The following CSMD1 variants were observed in gnomAD, a reference collection of about 807,000 sequenced individuals.
The protein encoded by CSMD1 is CUB and sushi domain-containing protein 1.
Under a neutral mutation model 417.5 loss-of-function variants are expected in CSMD1, and 213 were observed. The observed-to-expected ratio is 0.51, with a 90% CI of 0.46 to 0.57. The LOEUF (loss-of-function observed/expected upper bound fraction) is 0.57, where lower values mean the gene tolerates loss of function less well. CSMD1 is among the 20% of genes least tolerant of loss of function. CSMD1 has a pLI of 0.00. For missense variants in CSMD1, 6,923 were observed against 4,529.7 expected, an observed-to-expected ratio of 1.53 and a Z score of -15.17; for synonymous variants, 2,862 against 1,736.8, an observed-to-expected ratio of 1.65 and a Z score of -16.11.
At chr8:4,556,079 C>G (rs1398279356) in intron 2 of CSMD1, among the ~76,000 whole-genome samples, 3 of 151,854 alleles carry the variant, frequency 2.0e-5, no homozygotes, top group Non-Finnish European at 4.4e-5. Flanking sequence ...CTCGAATTTA[C>G]TTAGGGAATG....
rs535627191 is a variant in CSMD1 at position 3,474,770 on chromosome 8, G to C, written c.1449-5946C>G. Among the ~76,000 whole-genome samples, 8 of 152,146 alleles carry C rather than the reference G, an allele frequency of 5.3e-5. No individual in the cohort carries two copies. The South Asian group carries it at 1.4e-3, about 28-fold the overall frequency. The stretch of plus-strand genomic sequence containing the variant: ...ACTTTAACATTCATCAAAACATATA[G>C]TTACACAACTAGTCTTGCTTTCTTT... On this transcript the variant is annotated intron_variant, in intron 11 of 69. Coordinates refer to ENST00000635120, the MANE Select transcript of CSMD1 (RefSeq NM_033225.6).
At chr8:4,918,753 T>C (rs1806235150) in intron 1 of CSMD1, among the ~76,000 whole-genome samples, 1 of 152,222 alleles carries the variant, frequency 6.6e-6, no homozygotes. Flanking sequence ...TCCACACATA[T>C]ATGCAGGTAT....
chr8:3,752,575 G>C (rs1269196369), intron 6 of CSMD1, among the ~76,000 whole-genome samples: 1 of 147,620 alleles, frequency 6.8e-6, no homozygotes, highest in Admixed American at 6.9e-5. Flanking sequence ...AATCACTTGA[G>C]CCCAGGAGGT....
intron 6 of CSMD1, among the ~76,000 whole-genome samples, chr8:3,713,279 A>T (rs573893534): frequency 6.6e-6 from 1 of 152,088 alleles, no homozygotes; most frequent in African/African-American, 2.4e-5. Context: ...TTAGGTTAAA[A>T]CTCACTTTCT....
chr8:4,358,533 T>G (rs1005154516), intron 3 of CSMD1, among the ~76,000 whole-genome samples: 2 of 152,138 alleles, frequency 1.3e-5, no homozygotes, highest in Non-Finnish European at 2.9e-5. Flanking sequence ...GATGCAGAGG[T>G]GACGATATGG....
At chr8:4,970,704 C>G (rs1040529245) in intron 1 of CSMD1, among the ~76,000 whole-genome samples, 2 of 152,092 alleles carry the variant, frequency 1.3e-5, no homozygotes, top group African/African-American at 4.8e-5. Context: ...GCTATCTTAA[C>G]TCAGGACGTG....
intron 62 of CSMD1, 75 bp from the exon 63 acceptor site, chr8:2,957,882 A>G (rs1803133035): frequency 1.0e-6 from 1 of 994,540 alleles, no homozygotes; most frequent in Non-Finnish European, 1.6e-6. Flanking sequence ...ACCTGAAAGT[A>G]CACGCCCGAG....
At chr8:3,922,519 T>C (rs541967766) in intron 5 of CSMD1, among the ~76,000 whole-genome samples, 1 of 152,254 alleles carries the variant, frequency 6.6e-6, no homozygotes, top group African/African-American at 2.4e-5. Flanking sequence ...TTTGATTCTT[T>C]TCTATTTATT....
At chr8:4,881,590 T>G (rs1803406507) in intron 1 of CSMD1, among the ~76,000 whole-genome samples, 1 of 151,710 alleles carries the variant, frequency 6.6e-6, no homozygotes, top group Non-Finnish European at 1.5e-5. Flanking sequence ...AAGCTCAAAT[T>G]TATTCAATAA....
At chr8:4,332,761 C>T (rs1484904840) in intron 3 of CSMD1, among the ~76,000 whole-genome samples, 2 of 151,944 alleles carry the variant, frequency 1.3e-5, no homozygotes, top group African/African-American at 4.8e-5. Flanking sequence ...TATGTAATGG[C>T]ATGTGATGAA....
chr8:4,071,455 C>T, intron 3 of CSMD1, among the ~76,000 whole-genome samples: 1 of 151,996 alleles, frequency 6.6e-6, no homozygotes, highest in East Asian at 1.9e-4. Flanking sequence ...TTTTATAACG[C>T]CTATTTTTTT....
At chr8:3,659,101 G>T (rs1448304816) in intron 7 of CSMD1, among the ~76,000 whole-genome samples, 2 of 152,108 alleles carry the variant, frequency 1.3e-5, no homozygotes, top group African/African-American at 2.4e-5. Context: ...AATTATTTCA[G>T]AACAATTTAC....
At chr8:4,045,590 A>G (rs775544473) in intron 3 of CSMD1, among the ~76,000 whole-genome samples, 56 of 152,166 alleles carry the variant, frequency 3.7e-4, no homozygotes, top group Admixed American at 3.3e-4. Flanking sequence ...AATGAAAGAA[A>G]CTCAAGAATG....
At chr8:3,079,914 C>G (rs1045626619) in intron 49 of CSMD1, among the ~76,000 whole-genome samples, 1 of 152,164 alleles carries the variant, frequency 6.6e-6, no homozygotes, top group African/African-American at 2.4e-5. Flanking sequence ...CCACCCAGCT[C>G]TTTGCACCAG....
intron 5 of CSMD1, among the ~76,000 whole-genome samples, chr8:3,822,496 G>A (rs1437242897): frequency 2.6e-5 from 4 of 152,208 alleles, no homozygotes; most frequent in Non-Finnish European, 2.9e-5. Context: ...GACAAGAGCT[G>A]CTAGGTACTC....
At chr8:4,478,489 C>T (rs117148774) in intron 2 of CSMD1, among the ~76,000 whole-genome samples, 3 of 151,950 alleles carry the variant, frequency 2.0e-5, no homozygotes, top group Non-Finnish European at 2.9e-5. Flanking sequence ...GCTTTCCCCC[C>T]CAAAAAAACT....
intron 2 of CSMD1, among the ~76,000 whole-genome samples, chr8:4,577,608 C>T (rs1799199397): frequency 6.6e-6 from 1 of 152,200 alleles, no homozygotes; most frequent in African/African-American, 2.4e-5. Context: ...ATCTCTTCTT[C>T]ACCAGGTAAG....
intron 5 of CSMD1, among the ~76,000 whole-genome samples, chr8:3,774,399 T>C (rs907087733): frequency 6.6e-6 from 1 of 152,174 alleles, no homozygotes; most frequent in Non-Finnish European, 1.5e-5. Context: ...ACACAAGTTT[T>C]TCAAAGATGC....
In CSMD1 at chr8:3,439,309, A is replaced by ATATATATATATATTT; in HGVS notation, c.1561+29402_1561+29403insAAATATATATATATA. On this transcript the variant is annotated intron_variant, in intron 12 of 69. Transcript: ENST00000635120. Reference sequence around the variant, plus strand: ...TATATATATATATATATATATATATATTTTTTTTTTTAATATGTATTTTTA... The same window carrying ATATATATATATATTT: ...TATATATATATATATATATATATATATATATATATATATTTTTTTTTTTTTTAATATGTATTTTTA... Among the ~76,000 whole-genome samples, 68 of 62,412 alleles carry ATATATATATATATTT rather than the reference A, an allele frequency of 1.1e-3. 1 individual carries two copies. The highest frequency in any genetic ancestry group is 1.5e-3 in the Admixed American group (7 of 4,554). The allele number at this position is 62,412 out of a possible 152,430, so 40.9% of individuals were successfully genotyped here. A position where few individuals can be genotyped will look rare whatever the true frequency, so the allele number is the denominator to read the frequency against.
Sources: gnomAD v4.1 joint callset for allele counts (sites outside exome capture counted in the v4.1 genomes callset) on GRCh38, gnomAD v4.1.1 for gene constraint, MANE v1.5 for transcripts, NCBI Gene and HGNC (gene_info 2026-07-23, HGNC 2026-07-21) for gene names.